The following RALGPS1 variants were observed in gnomAD, a reference collection of about 807,000 sequenced individuals.
The protein encoded by RALGPS1 is ras-specific guanine nucleotide-releasing factor RalGPS1.
Under a neutral mutation model 78.8 loss-of-function variants are expected in RALGPS1, and 19 were observed. The ratio of observed to expected loss-of-function variants is 0.24; its 90% confidence interval spans 0.17 to 0.35. The LOEUF (loss-of-function observed/expected upper bound fraction) is 0.35. RALGPS1 is among the 10% of genes least tolerant of loss of function. The pLI, the probability that RALGPS1 is intolerant of heterozygous loss-of-function variation, is 1.00. For missense variants in RALGPS1, 454 were observed against 688.3 expected, an observed-to-expected ratio of 0.66 and a Z score of 3.81; for synonymous variants, 228 against 256.3, an observed-to-expected ratio of 0.89 and a Z score of 1.06.
chr9:127,153,642 C>T (rs2058554571), intron 8 of RALGPS1, among the ~76,000 whole-genome samples: 1 of 152,130 alleles, frequency 6.6e-6, no homozygotes, highest in African/African-American at 2.4e-5. Flanking sequence ...TTGCAGCTTC[C>T]TCTCCCCAAT....
intron 8 of RALGPS1, among the ~76,000 whole-genome samples, chr9:127,159,607 T>C (rs1203851252): frequency 2.0e-5 from 3 of 152,218 alleles, no homozygotes; most frequent in Non-Finnish European, 4.4e-5. Context: ...AGCCCTGTTT[T>C]GCTTGTTGGA....
At chr9:126,935,112 C>G (rs924087525) in intron 1 of RALGPS1, among the ~76,000 whole-genome samples, 1 of 152,214 alleles carries the variant, frequency 6.6e-6, no homozygotes, top group East Asian at 1.9e-4. Context: ...CTCCCCAGCT[C>G]GCGGGAGCTC....
At chr9:126,932,853 A>C (rs930294350) in intron 1 of RALGPS1, among the ~76,000 whole-genome samples, 2 of 152,170 alleles carry the variant, frequency 1.3e-5, no homozygotes, top group Admixed American at 1.3e-4. Flanking sequence ...GTTGGTCGTG[A>C]AGGATCGTAA....
In RALGPS1 at chr9:127,201,732, C is replaced by T. The variant is rs2061642405; in HGVS notation, c.1247+2666C>T. Among the ~76,000 whole-genome samples, 4 of 152,292 alleles carry T rather than the reference C, an allele frequency of 2.6e-5. No homozygotes were observed. In the South Asian group the frequency reaches 8.3e-4, roughly 32 times the overall value. On this transcript the variant is annotated intron_variant, in intron 14 of 18. Transcript: ENST00000259351. ...TCCTCCCTCCACTCCCAGCTCTCAC[C>T]CAGGCCAAATCCTCCTACTCTAATG...
At chr9:127,043,215 C>T (rs2047465283) in intron 5 of RALGPS1, among the ~76,000 whole-genome samples, 1 of 152,162 alleles carries the variant, frequency 6.6e-6, no homozygotes, top group African/African-American at 2.4e-5. Flanking sequence ...GATTTCAGCA[C>T]TTACTGTAAA....
chr9:127,080,018 C>G (rs1439961587), intron 8 of RALGPS1, among the ~76,000 whole-genome samples: 1 of 152,200 alleles, frequency 6.6e-6, no homozygotes, highest in African/African-American at 2.4e-5. Flanking sequence ...TCTAGGGCAA[C>G]AGGACGTGCT....
chr9:126,977,625 C>T, intron 3 of RALGPS1, 70 bp from the exon 4 acceptor site: 1 of 1,103,500 alleles, frequency 9.1e-7, no homozygotes, highest in Non-Finnish European at 1.3e-6. Context: ...GTATATGACT[C>T]TGTATAAAGT....
At chr9:127,066,444 T>C (rs2049712065) in intron 7 of RALGPS1, among the ~76,000 whole-genome samples, 1 of 152,202 alleles carries the variant, frequency 6.6e-6, no homozygotes, top group African/African-American at 2.4e-5. Context: ...AGTTCGAGAC[T>C]GGACTGGCCA....
chr9:126,966,762 T>C (rs781736062), intron 3 of RALGPS1, among the ~76,000 whole-genome samples: 4 of 152,140 alleles, frequency 2.6e-5, no homozygotes, highest in Non-Finnish European at 4.4e-5. Context: ...ACAATATTAT[T>C]TGGGCAATTT....
At chr9:126,952,709 G>C (rs490577) in intron 1 of RALGPS1, among the ~76,000 whole-genome samples, 30,439 of 151,466 alleles carry the variant, frequency 0.2, 3,808 homozygotes, top group East Asian at 0.44. Context: ...GTGCGCATGT[G>C]CATGCGTGCA....
Position 127,195,320 on chromosome 9 carries a change from C to G in RALGPS1, c.1037+103C>G, listed in dbSNP as rs1019899596. 1.7e-5 allele frequency: 24 copies of G among 1,436,770 alleles called. No homozygotes were observed. The African/African-American group carries it at 3.4e-4, about 20-fold the overall frequency. The allele number at this position is 1,436,770 out of a possible 1,614,324, so 89.0% of individuals were successfully genotyped here. A position where few individuals can be genotyped will look rare whatever the true frequency, so the allele number is the denominator to read the frequency against. On this transcript the variant is annotated intron_variant, in intron 12 of 18. Transcript: ENST00000259351. ...TTGCTGGCTGGGTCCCTCCCCTGCC[C>G]TGTTCTGGGAGTTGCTGATGAGAGC...
chr9:127,177,116 CT>C, intron 11 of RALGPS1, among the ~76,000 whole-genome samples: 1 of 151,774 alleles, frequency 6.6e-6, no homozygotes. Context: ...TCTTTAGCAC[CT>C]GGCATTATGC....
intron 5 of RALGPS1, among the ~76,000 whole-genome samples, chr9:127,037,813 C>T (rs1484439089): frequency 6.6e-6 from 1 of 152,198 alleles, no homozygotes; most frequent in Non-Finnish European, 1.5e-5. Context: ...GGCTTGTGGC[C>T]TATCTTGTTT....
chr9:127,071,881 G>C (rs1355492960), intron 8 of RALGPS1, among the ~76,000 whole-genome samples: 1 of 152,118 alleles, frequency 6.6e-6, no homozygotes, highest in Non-Finnish European at 1.5e-5. Flanking sequence ...AATAATCACA[G>C]TTGTGCAAAC....
intron 8 of RALGPS1, among the ~76,000 whole-genome samples, chr9:127,114,405 A>G (rs1239859013): frequency 6.6e-6 from 1 of 152,172 alleles, no homozygotes; most frequent in African/African-American, 2.4e-5. Flanking sequence ...ATAACCCCCA[A>G]AGATACCATA....
chr9:127,094,091 T>C (rs1267358300), intron 8 of RALGPS1, among the ~76,000 whole-genome samples: 1 of 152,264 alleles, frequency 6.6e-6, no homozygotes, highest in East Asian at 1.9e-4. Flanking sequence ...TAAGTAATTA[T>C]AAAGACAAGA....
chr9:127,100,999 C>A (rs114097119), intron 8 of RALGPS1, among the ~76,000 whole-genome samples: 1,889 of 152,288 alleles, frequency 0.012, 42 homozygotes, highest in African/African-American at 0.044. Context: ...TTGTCTGGCA[C>A]CAAGACTTGT....
chr9:127,058,772 C>T (rs1019616297), intron 7 of RALGPS1, among the ~76,000 whole-genome samples: 3 of 152,176 alleles, frequency 2.0e-5, no homozygotes, highest in Non-Finnish European at 4.4e-5. Context: ...CACGTGTGCG[C>T]ATGTACATAA....
chr9:126,946,866 C>T (rs745425018), intron 1 of RALGPS1, among the ~76,000 whole-genome samples: 1 of 152,182 alleles, frequency 6.6e-6, no homozygotes, highest in Non-Finnish European at 1.5e-5. Context: ...GAAATCAGGT[C>T]TTGTCAGCTG....
Sources: gnomAD v4.1 joint callset for allele counts (sites outside exome capture counted in the v4.1 genomes callset) on GRCh38, gnomAD v4.1.1 for gene constraint, MANE v1.5 for transcripts, NCBI Gene and HGNC (gene_info 2026-07-23, HGNC 2026-07-21) for gene names.